Variants in CCNC observed in about 807,000 individuals in gnomAD.
CCNC encodes cyclin-C.
In CCNC, 19 loss-of-function variants were observed where a neutral mutation model predicts 50.0. The observed-to-expected ratio is 0.38, with a 90% CI of 0.27 to 0.56. The LOEUF (loss-of-function observed/expected upper bound fraction) is 0.56, where lower values mean the gene tolerates loss of function less well. Ranked by LOEUF, CCNC falls within the 20% of genes least tolerant of loss-of-function variation. The pLI is 0.72. For synonymous variants in CCNC, 93 were observed against 103.7 expected, an observed-to-expected ratio of 0.90 and a Z score of 0.63; for missense variants, 200 against 327.1, an observed-to-expected ratio of 0.61 and a Z score of 3.00.
intron 4 of CCNC, among the ~76,000 whole-genome samples, chr6:99,558,793 C>G (rs1291551154): frequency 6.6e-6 from 1 of 152,146 alleles, no homozygotes; most frequent in Non-Finnish European, 1.5e-5. Flanking sequence ...ATCTAAAAAT[C>G]TGAAATGCAA....
intron 9 of CCNC, among the ~76,000 whole-genome samples, chr6:99,548,828 T>C (rs1446826058): frequency 6.8e-6 from 1 of 146,364 alleles, no homozygotes; most frequent in Non-Finnish European, 1.5e-5. Context: ...AAAAAATCAA[T>C]AGAAGGAAAA....
chr6:99,558,559 A>T lies in CCNC; in HGVS notation c.295-11T>A, dbSNP rs755756119. On this transcript the variant is annotated splice_polypyrimidine_tract_variant and intron_variant, in intron 4 of 11. Coordinates refer to ENST00000520429, the MANE Select transcript of CCNC (RefSeq NM_005190.4). ...AACTACTCCAAATTCCTAAAGAAAG[A>T]AAAGCAGGTACATGTTAACCCAATG... 1 of 1,592,950 alleles carries T rather than the reference A, an allele frequency of 6.3e-7. No individual in the cohort carries two copies. Among genetic ancestry groups the T allele is most frequent in the South Asian group, 1.2e-5 (1 of 86,658 alleles).
chr6:99,544,297 A>G (rs1801987837), intron 11 of CCNC: 2 of 1,534,152 alleles, frequency 1.3e-6, no homozygotes, highest in East Asian at 4.9e-5. Context: ...ATCCAAAGGT[A>G]GCTGTTTGAA....
chr6:99,556,076 A>G (rs1241374269), intron 5 of CCNC, among the ~76,000 whole-genome samples: 2 of 152,152 alleles, frequency 1.3e-5, no homozygotes, highest in Non-Finnish European at 2.9e-5. Flanking sequence ...AGCAACTTAA[A>G]AATTATTTTT....
In CCNC at chr6:99,559,368, G is replaced by A. The variant is rs1802678056; in HGVS notation, c.295-820C>T. Among the ~76,000 whole-genome samples the A allele has an allele frequency of 2.6e-5, 4 of 151,830 alleles. No homozygotes were observed. The South Asian group carries it at 8.3e-4, about 32-fold the overall frequency. On this transcript the variant is annotated intron_variant, in intron 4 of 11. Transcript: ENST00000520429. Reference sequence around the variant, plus strand: ...TATATACTGTTTCATTTATTGCCTCGTAAGATTTCTAAAGCCTTCACTTCA... The same window carrying A: ...TATATACTGTTTCATTTATTGCCTCATAAGATTTCTAAAGCCTTCACTTCA...
At chr6:99,561,754 C>A in intron 2 of CCNC, 73 bp from the exon 3 acceptor site, 1 of 918,458 alleles carries the variant, frequency 1.1e-6, no homozygotes, top group Non-Finnish European at 1.8e-6. Context: ...ACAGTAACTT[C>A]CATGTGGTTA....
At chr6:99,543,845 A>G (rs1801966464) in intron 11 of CCNC, 2 of 1,359,772 alleles carry the variant, frequency 1.5e-6, no homozygotes, top group African/African-American at 2.9e-5. Context: ...TCTGGAAGTT[A>G]GTGTCCATAT....
At position 99,564,406 on chromosome 6, in the gene CCNC, C is replaced by CA. The variant is rs1350792295; in HGVS notation, c.33-1459dup. Among the ~76,000 whole-genome samples the CA allele has an allele frequency of 2.4e-5, 3 of 123,100 alleles. No homozygotes were observed. In the South Asian group the frequency reaches 7.8e-4, roughly 32 times the overall value. 80.8% of individuals were successfully genotyped at this position (123,100 alleles called of 152,430 possible). Reference sequence around the variant, plus strand: ...TACCACTGCACTCCAGCCTGGGGTACAGAGTGAGACTCTGTCAAAAAAAAA... The same window carrying CA: ...TACCACTGCACTCCAGCCTGGGGTACAAGAGTGAGACTCTGTCAAAAAAAAA... On this transcript the variant is annotated intron_variant, in intron 1 of 11. Transcript: ENST00000520429.
intron 7 of CCNC, 191 bp from the exon 8 acceptor site, chr6:99,550,500 G>A (rs749221289): frequency 2.1e-5 from 11 of 523,794 alleles, no homozygotes; most frequent in Middle Eastern, 5.0e-4. Flanking sequence ...TGAAGGCAGT[G>A]CTCTCTCTGG....
chr6:99,553,397 T>C (rs898793445), intron 5 of CCNC, among the ~76,000 whole-genome samples: 1 of 152,182 alleles, frequency 6.6e-6, no homozygotes, highest in Non-Finnish European at 1.5e-5. Context: ...AACACCTCTA[T>C]TGAGAATATA....
intron 9 of CCNC, among the ~76,000 whole-genome samples, chr6:99,547,650 C>G (rs73760091): frequency 0.056 from 8,487 of 152,216 alleles, 720 homozygotes; most frequent in African/African-American, 0.18. Context: ...GCATCCCTGG[C>G]TTCTACCCAC....
At chr6:99,545,277 A>AT (rs763837272) in intron 10 of CCNC, 47 bp from the exon 11 acceptor site, 1 of 936,946 alleles carries the variant, frequency 1.1e-6, no homozygotes, top group Non-Finnish European at 1.8e-6. Context: ...AACAAGCAAC[A>AT]TTTTTTATAT....
At chr6:99,557,503 G>C (rs550369) in intron 5 of CCNC, 41,446 of 151,908 alleles carry the variant, frequency 0.27, 5,938 homozygotes, top group East Asian at 0.49. Flanking sequence ...GGTCTTTAAA[G>C]GGATAAGATT....
intron 6 of CCNC, among the ~76,000 whole-genome samples, 179 bp downstream of exon 6, chr6:99,551,661 A>G (rs2114297786): frequency 6.6e-6 from 1 of 152,304 alleles, no homozygotes; most frequent in South Asian, 2.1e-4. Flanking sequence ...GATAATCGCC[A>G]CTATGAAGTA....
chr6:99,546,317 A>C, intron 10 of CCNC, 78 bp downstream of exon 10: 3 of 933,230 alleles, frequency 3.2e-6, no homozygotes, highest in Non-Finnish European at 5.3e-6. Context: ...GGTGGACATC[A>C]CAAGATTTTA....
chr6:99,553,547 T>C (rs1198985940), intron 5 of CCNC, among the ~76,000 whole-genome samples: 1 of 152,230 alleles, frequency 6.6e-6, no homozygotes, highest in East Asian at 1.9e-4. Context: ...TATACACTTA[T>C]TATCATCTAT....
At chr6:99,566,327 T>C (rs1769121492) in intron 1 of CCNC, among the ~76,000 whole-genome samples, 1 of 152,040 alleles carries the variant, frequency 6.6e-6, no homozygotes, top group Non-Finnish European at 1.5e-5. Flanking sequence ...AAATAGAATA[T>C]TTCTATTATC....
intron 9 of CCNC, among the ~76,000 whole-genome samples, chr6:99,548,353 T>C (rs1222300709): frequency 6.6e-6 from 1 of 152,128 alleles, no homozygotes; most frequent in Non-Finnish European, 1.5e-5. Flanking sequence ...TCAAATCCAG[T>C]CCTTTCAGGG....
At chr6:99,545,547 C>T (rs898405408) in intron 10 of CCNC, among the ~76,000 whole-genome samples, 6 of 152,186 alleles carry the variant, frequency 3.9e-5, no homozygotes, top group African/African-American at 1.2e-4. Context: ...CTATAGAGCA[C>T]ACTCCTCTAG....
Sources: gnomAD v4.1 joint callset for allele counts (sites outside exome capture counted in the v4.1 genomes callset) on GRCh38, gnomAD v4.1.1 for gene constraint, MANE v1.5 for transcripts, NCBI Gene and HGNC (gene_info 2026-07-23, HGNC 2026-07-21) for gene names.